Variants in DAAM2 observed in about 807,000 individuals in gnomAD.
The protein encoded by DAAM2 is disheveled-associated activator of morphogenesis 2.
DAAM2 carries 39 observed loss-of-function variants against 120.7 expected under a neutral mutation model. The observed-to-expected ratio is 0.32, with a 90% CI of 0.25 to 0.42. DAAM2 has a LOEUF of 0.42. Ranked by LOEUF, DAAM2 falls within the 10% of genes least tolerant of loss-of-function variation. The pLI is 1.00. For synonymous variants in DAAM2, 488 were observed against 524.9 expected (o/e 0.93, Z 0.96); for missense variants, 1,283 against 1,401.7 (o/e 0.92, Z 1.35).
chr6:39,819,378 C>G (rs950982259), intron 1 of DAAM2: 1 of 152,188 alleles, frequency 6.6e-6, no homozygotes, highest in Non-Finnish European at 1.5e-5. Context: ...TCAAATGCTA[C>G]TTACCTCCTC....
chr6:39,901,757 C>A lies in DAAM2; in HGVS notation c.2983-56C>A. On this transcript the variant is annotated intron_variant, in intron 24 of 24. Transcript: ENST00000274867. This position sits in a 1 kb window ranked among gnomAD's most constrained non-coding sequence, Gnocchi z 4.5. Reference sequence around the variant, plus strand: ...AGTTAGCCCAGGGTTGGGGGGCTGCCCTGGCCTCAGCGCCTCTCCCTGAGA... The same window carrying A: ...AGTTAGCCCAGGGTTGGGGGGCTGCACTGGCCTCAGCGCCTCTCCCTGAGA... 6.9e-7 allele frequency: 1 copy of A among 1,441,098 alleles called. No homozygotes were observed. Among genetic ancestry groups the A allele is most frequent in the East Asian group, 2.4e-5 (1 of 42,098 alleles). 89.3% of individuals were successfully genotyped at this position (1,441,098 alleles called of 1,614,324 possible).
intron 14 of DAAM2, chr6:39,879,750 T>C: frequency 1.8e-6 from 1 of 555,584 alleles, no homozygotes; most frequent in Admixed American, 3.0e-5. Context: ...GTTAATGGAG[T>C]CACAGCCAAG....
chr6:39,904,145 G>A lies in DAAM2; in HGVS notation c.*2108G>A, dbSNP rs925556325. ...ACCATGGAAGACTGGATACGCACCTGGAAACAAAAGGACTATGGAAGCTGT... is the reference window on the plus strand; with the variant it reads ...ACCATGGAAGACTGGATACGCACCTAGAAACAAAAGGACTATGGAAGCTGT... On this transcript the variant is annotated 3_prime_UTR_variant, in exon 25 of 25. Coordinates refer to ENST00000274867, the MANE Select transcript of DAAM2 (RefSeq NM_001201427.2). 2.2e-6 allele frequency: 1 copy of A among 454,868 alleles called. No individual in the cohort carries two copies. The highest frequency in any genetic ancestry group is 2.0e-5 in the African/African-American group (1 of 49,992). The allele number at this position is 454,868 out of a possible 1,614,324, so 28.2% of individuals were successfully genotyped here.
intron 1 of DAAM2, among the ~76,000 whole-genome samples, chr6:39,829,512 C>T (rs1265362138): frequency 1.3e-5 from 2 of 152,182 alleles, no homozygotes; most frequent in Admixed American, 6.5e-5. Flanking sequence ...AGTGATACCT[C>T]ATTTGGCACC....
chr6:39,842,446 A>G (rs1319206074), intron 1 of DAAM2, among the ~76,000 whole-genome samples: 1 of 152,176 alleles, frequency 6.6e-6, no homozygotes, highest in East Asian at 1.9e-4. Flanking sequence ...AGCCTGGCCA[A>G]CATGGTGAAA....
Position 39,904,293 on chromosome 6 carries a change from C to T in DAAM2, c.*2256C>T, listed in dbSNP as rs1766661173. On this transcript the variant is annotated 3_prime_UTR_variant, in exon 25 of 25. Transcript: ENST00000274867. ...AGAAAGATATTTTTCTATTTATTTT[C>T]TACATCTGGCCAGTGGCTCTGGTGC... 1 of 456,750 alleles carries T rather than the reference C, an allele frequency of 2.2e-6. No homozygotes were observed. The highest frequency in any genetic ancestry group is 1.5e-5 in the South Asian group (1 of 64,570). The allele number at this position is 456,750 out of a possible 1,614,324, so 28.3% of individuals were successfully genotyped here. A position where few individuals can be genotyped will look rare whatever the true frequency, so the allele number is the denominator to read the frequency against.
chr6:39,799,905 T>TA (rs1180013380), intron 1 of DAAM2, among the ~76,000 whole-genome samples: 1 of 152,230 alleles, frequency 6.6e-6, no homozygotes, highest in Non-Finnish European at 1.5e-5. Context: ...TACTGGTGTG[T>TA]ATACAGGATG....
At chr6:39,873,578 C>T (rs2149319870) in intron 10 of DAAM2, among the ~76,000 whole-genome samples, 1 of 152,294 alleles carries the variant, frequency 6.6e-6, no homozygotes, top group Admixed American at 6.5e-5. Flanking sequence ...GGACTTGGCC[C>T]TGAGCAACTC....
intron 1 of DAAM2, among the ~76,000 whole-genome samples, chr6:39,854,741 A>T (rs1763935517): frequency 6.6e-6 from 1 of 152,220 alleles, no homozygotes; most frequent in African/African-American, 2.4e-5. Flanking sequence ...AAGGAGTGTC[A>T]TAGATTTAGC....
Position 39,904,751 on chromosome 6 carries a change from G to A in DAAM2, c.*2714G>A, listed in dbSNP as rs900602076. The A allele has an allele frequency of 2.2e-6, 1 of 454,118 alleles. No individual in the cohort carries two copies. Among genetic ancestry groups the A allele is most frequent in the Non-Finnish European group, 4.4e-6 (1 of 226,800 alleles). The allele number at this position is 454,118 out of a possible 1,614,324, so 28.1% of individuals were successfully genotyped here. A position where few individuals can be genotyped will look rare whatever the true frequency, so the allele number is the denominator to read the frequency against. ...CACGCCAAGGCTGTTCTCACCAGCTGCCTCAGATGACAAATGAGGCTAATG... is the reference window on the plus strand; with the variant it reads ...CACGCCAAGGCTGTTCTCACCAGCTACCTCAGATGACAAATGAGGCTAATG... On this transcript the variant is annotated 3_prime_UTR_variant, in exon 25 of 25. Transcript: ENST00000274867.
At chr6:39,854,641 T>C (rs1763932070) in intron 1 of DAAM2, among the ~76,000 whole-genome samples, 2 of 152,226 alleles carry the variant, frequency 1.3e-5, no homozygotes, top group Non-Finnish European at 2.9e-5. Flanking sequence ...TAAAGCAGTG[T>C]TCTCTAGAAG....
At chr6:39,843,751 G>A (rs570156595) in intron 1 of DAAM2, among the ~76,000 whole-genome samples, 7 of 152,330 alleles carry the variant, frequency 4.6e-5, no homozygotes, top group East Asian at 3.9e-4. Flanking sequence ...GTGGTGAGAC[G>A]ATGGGGCCCA....
Position 39,878,706 on chromosome 6 carries a change from A to G in DAAM2, c.1545+118A>G. 1 of 1,073,076 alleles carries G rather than the reference A, an allele frequency of 9.3e-7. No homozygotes were observed. The highest frequency in any genetic ancestry group is 1.3e-6 in the Non-Finnish European group (1 of 750,456). The allele number at this position is 1,073,076 out of a possible 1,614,324, so 66.5% of individuals were successfully genotyped here. ...CCAGCATGAGGGAGAAGGGAGATGG[A>G]GACCTTGGGCCAGGATAGAAGAGAC... On this transcript the variant is annotated intron_variant, in intron 13 of 24. Transcript: ENST00000274867. This position sits in a 1 kb window ranked among gnomAD's most constrained non-coding sequence, Gnocchi z 5.0.
In DAAM2 at chr6:39,869,469, C is replaced by A. The variant is rs554432239; in HGVS notation, c.873+536C>A. On this transcript the variant is annotated intron_variant, in intron 7 of 24. Transcript: ENST00000274867. ...AAGTGTGGTGGTGGGCACCTGTAAT[C>A]CCAGCTACTTGGGAGGCTGAGGCAG... Among the ~76,000 whole-genome samples, 109 of 152,210 alleles carry A rather than the reference C, an allele frequency of 7.2e-4. 1 individual carries two copies. The South Asian group carries it at 0.022, about 31-fold the overall frequency.
chr6:39,893,344 G>GTGTCTA (rs1562061200), intron 19 of DAAM2, among the ~76,000 whole-genome samples: 1 of 152,064 alleles, frequency 6.6e-6, no homozygotes, highest in African/African-American at 2.4e-5. Context: ...GTGAAACCTC[G>GTGTCTA]TGTCTACTAA....
At chr6:39,812,261 T>C (rs190314195) in intron 1 of DAAM2, among the ~76,000 whole-genome samples, 151 of 152,316 alleles carry the variant, frequency 9.9e-4, no homozygotes, top group Middle Eastern at 3.4e-3. Flanking sequence ...ATACCTACCA[T>C]GTATGGAGGG....
chr6:39,886,203 G>A (rs879546188), intron 15 of DAAM2: 15 of 387,728 alleles, frequency 3.9e-5, no homozygotes, highest in East Asian at 1.8e-4. Flanking sequence ...CCTGATCTCC[G>A]CTTCGTTTGG....
chr6:39,902,199 C>A lies in DAAM2; in HGVS notation c.*162C>A. 1 of 535,698 alleles carries A rather than the reference C, an allele frequency of 1.9e-6. No homozygotes were observed. Among genetic ancestry groups the A allele is most frequent in the Non-Finnish European group, 3.2e-6 (1 of 309,634 alleles). The allele number at this position is 535,698 out of a possible 1,614,324, so 33.2% of individuals were successfully genotyped here. ...TGTGGCTGGACCAGGTGTCTCCCCA[C>A]GCTTACCTTAAGGGGCTCCTCTTAT... On this transcript the variant is annotated 3_prime_UTR_variant, in exon 25 of 25. Coordinates refer to ENST00000274867, the MANE Select transcript of DAAM2 (RefSeq NM_001201427.2).
At chr6:39,891,099 A>AG (rs1317906768) in intron 17 of DAAM2, among the ~76,000 whole-genome samples, 3 of 151,648 alleles carry the variant, frequency 2.0e-5, no homozygotes, top group African/African-American at 7.3e-5. Context: ...TTAAAAAAAA[A>AG]AAAAAAGAAA....
Sources: allele counts gnomAD v4.1 joint callset (sites outside exome capture counted in the v4.1 genomes callset), GRCh38; gene constraint gnomAD v4.1.1; non-coding constraint Gnocchi (gnomAD v3.1); transcripts MANE v1.5; gene names NCBI Gene and HGNC (gene_info 2026-07-23, HGNC 2026-07-21).